The following PDILT variants were observed in gnomAD, a reference collection of about 807,000 sequenced individuals.
PDILT encodes the protein protein disulfide isomerase like, testis expressed.
PDILT carries 43 observed loss-of-function variants against 53.7 expected under a neutral mutation model. The observed-to-expected ratio is 0.80, with a 90% CI of 0.63 to 1.03. The LOEUF is 1.03. Ranked by LOEUF, PDILT falls within the 50% of genes least tolerant of loss-of-function variation. The pLI is 0.00. For missense variants in PDILT, 727 were observed against 712.3 expected (o/e 1.02, Z -0.24); for synonymous variants, 282 against 274.2 (o/e 1.03, Z -0.28).
chr16:20,391,303 G>T (rs1966604281), intron 2 of PDILT: 1 of 164,886 alleles, frequency 6.1e-6, no homozygotes, highest in Admixed American at 5.9e-5. Flanking sequence ...CATCGCCATT[G>T]TCATCATCAC....
At chr16:20,366,987 C>CATTT (rs1555489405) in intron 8 of PDILT, among the ~76,000 whole-genome samples, 1 of 82,990 alleles carries the variant, frequency 1.2e-5, no homozygotes, top group African/African-American at 3.8e-5. Context: ...TTCCTTCCTT[C>CATTT]CTTTCTTTCT....
intron 1 of PDILT, among the ~76,000 whole-genome samples, chr16:20,403,093 G>A (rs1311885165): frequency 6.6e-6 from 1 of 152,152 alleles, no homozygotes; most frequent in Non-Finnish European, 1.5e-5. Context: ...ATTGTGCTGA[G>A]TGTCAACTGT....
chr16:20,364,101 G>C (rs140729587), intron 9 of PDILT, among the ~76,000 whole-genome samples: 19 of 152,350 alleles, frequency 1.2e-4, no homozygotes, highest in Non-Finnish European at 2.5e-4. Flanking sequence ...TCCTGGGTCA[G>C]AACAGGAGGG....
At chr16:20,394,233 G>A (rs898407018) in intron 2 of PDILT, among the ~76,000 whole-genome samples, 1 of 152,224 alleles carries the variant, frequency 6.6e-6, no homozygotes, top group African/African-American at 2.4e-5. Flanking sequence ...CAATCTCTTG[G>A]AGAAAATAGT....
rs1447640390 is a variant in PDILT at position 20,384,848 on chromosome 16, T to C, written c.206A>G (p.Asn69Ser). ...GTTCCTGGATTGCTTTGAGGATGGG[T>C]TGTCTGAAAGAGTATGAAGACAAAA... ...QTRFLMVLFHNPSSKQSRNLA... is the reference protein window; with the variant it reads ...QTRFLMVLFHSPSSKQSRNLA... Residue 69 changes from asparagine (N) to serine (S), a missense_variant, in exon 3 of 12, where the codon AAC (asparagine) becomes AGC (serine). Physicochemically the swap from Asn to Ser is conservative, Grantham distance 46. Coordinates refer to ENST00000302451, the MANE Select transcript of PDILT (RefSeq NM_174924.2). 2.5e-6 allele frequency: 4 copies of C among 1,614,098 alleles called. No homozygotes were observed. The highest frequency in any genetic ancestry group is 3.4e-6 in the Non-Finnish European group (4 of 1,180,008).
intron 2 of PDILT, among the ~76,000 whole-genome samples, chr16:20,388,166 T>C (rs1220326541): frequency 6.6e-6 from 1 of 152,184 alleles, no homozygotes; most frequent in Non-Finnish European, 1.5e-5. Flanking sequence ...ATGATGATGA[T>C]GTCACTATCA....
chr16:20,390,321 C>T (rs1966593396), intron 2 of PDILT, among the ~76,000 whole-genome samples: 1 of 152,146 alleles, frequency 6.6e-6, no homozygotes, highest in Admixed American at 6.6e-5. Flanking sequence ...TTCAGAAACC[C>T]TATATCTTTA....
At chr16:20,368,616 G>A (rs1230522657) in intron 8 of PDILT, among the ~76,000 whole-genome samples, 3 of 146,736 alleles carry the variant, frequency 2.0e-5, no homozygotes, top group African/African-American at 7.5e-5. Flanking sequence ...GGGTGGTGCT[G>A]GACAGGGTCT....
intron 1 of PDILT, among the ~76,000 whole-genome samples, chr16:20,402,397 C>A (rs1338023453): frequency 6.6e-6 from 1 of 152,170 alleles, no homozygotes; most frequent in African/African-American, 2.4e-5. Flanking sequence ...CTCCCTGGTT[C>A]AAAGGATTCT....
In PDILT at chr16:20,374,169, G is replaced by A. The variant is rs188362276; in HGVS notation, c.681+653C>T. On this transcript the variant is annotated intron_variant, in intron 5 of 11. Coordinates refer to ENST00000302451, the MANE Select transcript of PDILT (RefSeq NM_174924.2). ...CTGCCCAGGCTGGTCTCGAACCCTA[G>A]GCATAAGGCTTCTTCCCTCATTTTA... Among the ~76,000 whole-genome samples the A allele has an allele frequency of 7.4e-4, 112 of 151,524 alleles. No homozygotes were observed. In the East Asian group the frequency reaches 0.013, roughly 17 times the overall value.
intron 3 of PDILT, among the ~76,000 whole-genome samples, chr16:20,379,172 C>A (rs952920859): frequency 6.6e-6 from 1 of 152,100 alleles, no homozygotes; most frequent in African/African-American, 2.4e-5. Context: ...TACCACCACA[C>A]CTGGCTAATT....
rs895103342 is a variant in PDILT, at chr16:20,366,929, C to T, written c.1117-1389G>A. ...GCTTCTCTCATTGCTCTTAGGAAAC[C>T]AAATTCTTTCCTTCCTTCCTTCCTT... On this transcript the variant is annotated intron_variant, in intron 8 of 11. Coordinates refer to ENST00000302451, the MANE Select transcript of PDILT (RefSeq NM_174924.2). Among the ~76,000 whole-genome samples, 2 of 149,076 alleles carry T rather than the reference C, an allele frequency of 1.3e-5. 1 individual carries two copies. The highest frequency in any genetic ancestry group is 3.0e-5 in the Non-Finnish European group (2 of 67,412).
At chr16:20,380,611 C>T (rs1052726620) in intron 3 of PDILT, among the ~76,000 whole-genome samples, 1 of 152,236 alleles carries the variant, frequency 6.6e-6, no homozygotes, top group Non-Finnish European at 1.5e-5. Context: ...GCTGGGATTA[C>T]AGGCGTGAGC....
chr16:20,376,095 C>T lies in PDILT; in HGVS notation c.516G>A (p.Arg172=). The change falls in exon 4 of 12, where the codon AGG becomes AGA. Residue 172 remains arginine (R), a synonymous_variant. Coordinates refer to ENST00000302451, the MANE Select transcript of PDILT (RefSeq NM_174924.2). ...SEQVAEFVIS[R]PLVIVGFFQD... ...GGAAGAAGCCAACGATGACCAAGGG[C>T]CTGGATATCACAAACTCTGCCACCT... is the stretch of plus-strand genomic sequence containing the variant. 1 of 1,614,130 alleles carries T rather than the reference C, an allele frequency of 6.2e-7. No homozygotes were observed. The highest frequency in any genetic ancestry group is 8.5e-7 in the Non-Finnish European group (1 of 1,180,024).
intron 2 of PDILT, among the ~76,000 whole-genome samples, chr16:20,385,186 T>C (rs1171724729): frequency 1.3e-5 from 2 of 152,220 alleles, no homozygotes; most frequent in Non-Finnish European, 2.9e-5. Flanking sequence ...AAATGAGATT[T>C]ATGTCACAAC....
intron 1 of PDILT, among the ~76,000 whole-genome samples, chr16:20,401,756 AG>A (rs1966743398): frequency 6.6e-6 from 1 of 152,196 alleles, no homozygotes; most frequent in Non-Finnish European, 1.5e-5. Context: ...GCCACCGTGG[AG>A]GGCTGAGCCT....
intron 5 of PDILT, among the ~76,000 whole-genome samples, chr16:20,373,822 T>C (rs34495073): frequency 0.24 from 37,249 of 152,114 alleles, 5,227 homozygotes; most frequent in Non-Finnish European, 0.31. Context: ...ACCACTTGGC[T>C]TTGCTGGAGT....
At chr16:20,393,097 T>A (rs1324027736) in intron 2 of PDILT, among the ~76,000 whole-genome samples, 1 of 152,236 alleles carries the variant, frequency 6.6e-6, no homozygotes, top group South Asian at 2.1e-4. Context: ...GTTTTATCTA[T>A]GTAAACCATT....
chr16:20,390,968 C>T (rs1360391544), intron 2 of PDILT: 1 of 152,318 alleles, frequency 6.6e-6, no homozygotes, highest in East Asian at 1.9e-4. Flanking sequence ...ATCACCATAA[C>T]CATCATCACC....
Sources: allele counts gnomAD v4.1 joint callset (sites outside exome capture counted in the v4.1 genomes callset), GRCh38; gene constraint gnomAD v4.1.1; transcripts MANE v1.5; gene names NCBI Gene and HGNC (gene_info 2026-07-23, HGNC 2026-07-21).